The following MACROD1 variants were observed in gnomAD, a reference collection of about 807,000 sequenced individuals.
MACROD1 encodes the protein ADP-ribose glycohydrolase MACROD1.
In MACROD1, 31 loss-of-function variants were observed where a neutral mutation model predicts 41.4. That is an observed-to-expected ratio of 0.75 (90% confidence interval 0.56 to 1.01). The LOEUF (loss-of-function observed/expected upper bound fraction) is 1.01. MACROD1 is among the 50% of genes least tolerant of loss of function. MACROD1 has a pLI of 0.00. For synonymous variants in MACROD1, 252 were observed against 203.4 expected (o/e 1.24, Z -2.03); for missense variants, 473 against 460.0 (o/e 1.03, Z -0.26).
intron 3 of MACROD1, among the ~76,000 whole-genome samples, chr11:64,150,846 C>T (rs1945564270): frequency 6.6e-6 from 1 of 152,268 alleles, no homozygotes; most frequent in Admixed American, 6.5e-5. Context: ...CAAGCTCCCT[C>T]ACCCGCCCAG....
At chr11:64,136,957 G>T (rs1381644154) in intron 3 of MACROD1, among the ~76,000 whole-genome samples, 1 of 152,226 alleles carries the variant, frequency 6.6e-6, no homozygotes, top group African/African-American at 2.4e-5. Context: ...GGGCATCTCA[G>T]CATTTGCATG....
intron 3 of MACROD1, among the ~76,000 whole-genome samples, chr11:64,145,063 G>A (rs1052572819): frequency 1.3e-5 from 2 of 152,246 alleles, no homozygotes; most frequent in Non-Finnish European, 2.9e-5. Flanking sequence ...GGCGGCAGGA[G>A]AGGATGAGGC....
chr11:64,013,482 G>A (rs945546655), intron 4 of MACROD1, among the ~76,000 whole-genome samples: 7 of 152,262 alleles, frequency 4.6e-5, no homozygotes, highest in African/African-American at 1.7e-4. Context: ...TGTCCAGGGA[G>A]GCCAGGGTGG....
intron 3 of MACROD1, among the ~76,000 whole-genome samples, chr11:64,068,192 C>T (rs193071334): frequency 2.6e-5 from 4 of 152,324 alleles, no homozygotes; most frequent in East Asian, 1.9e-4. Flanking sequence ...GTGTTGGCAA[C>T]GGTTCTGCCT....
chr11:64,057,355 G>A (rs1943806295), intron 3 of MACROD1, among the ~76,000 whole-genome samples: 1 of 152,194 alleles, frequency 6.6e-6, no homozygotes, highest in Non-Finnish European at 1.5e-5. Context: ...GCTCTTGCTC[G>A]GTGAACAGTT....
chr11:63,999,687 G>A lies in MACROD1; in HGVS notation c.741C>T (p.Tyr247=), dbSNP rs1367645840. The A allele has an allele frequency of 6.2e-7, 1 of 1,609,436 alleles. No homozygotes were observed. The highest frequency in any genetic ancestry group is 1.7e-5 in the Admixed American group (1 of 59,884). ...ASQAAELRSC[Y]LSSLDLLLEH... The stretch of plus-strand genomic sequence containing the variant: ...CCAGCAGCAGGTCCAGACTGCTCAG[G>A]TAGCAGCTGCGGAGCTCGGCAGCCT... The change falls in exon 6 of 11, where the codon TAC becomes TAT. Residue 247 remains tyrosine (Y), a synonymous_variant. Transcript: ENST00000255681.
intron 3 of MACROD1, among the ~76,000 whole-genome samples, chr11:64,125,408 T>C (rs2134643696): frequency 6.6e-6 from 1 of 152,302 alleles, no homozygotes; most frequent in East Asian, 1.9e-4. Context: ...CCCAGCACAG[T>C]GCCTGGCACA....
intron 3 of MACROD1, among the ~76,000 whole-genome samples, chr11:64,105,171 C>T (rs1214525679): frequency 3.9e-5 from 6 of 152,224 alleles, no homozygotes; most frequent in Admixed American, 6.5e-5. Flanking sequence ...TATAAAAGTG[C>T]GCCAGCCCGA....
intron 3 of MACROD1, among the ~76,000 whole-genome samples, chr11:64,040,199 G>A (rs540801987): frequency 2.6e-5 from 4 of 152,200 alleles, no homozygotes; most frequent in East Asian, 3.9e-4. Context: ...CCTCTTCCCC[G>A]TGAAGCCTTG....
chr11:64,078,736 C>T (rs1446641323), intron 3 of MACROD1, among the ~76,000 whole-genome samples: 3 of 152,032 alleles, frequency 2.0e-5, no homozygotes, highest in Non-Finnish European at 4.4e-5. Flanking sequence ...GGAGGGCACC[C>T]CAAGCTGGGG....
chr11:64,058,989 C>T (rs1565213508), intron 3 of MACROD1, among the ~76,000 whole-genome samples: 1 of 152,180 alleles, frequency 6.6e-6, no homozygotes, highest in Non-Finnish European at 1.5e-5. Flanking sequence ...ACCTTCAAAA[C>T]AGGGGCTCAC....
chr11:64,092,793 C>A (rs1944512116), intron 3 of MACROD1, among the ~76,000 whole-genome samples: 1 of 152,258 alleles, frequency 6.6e-6, no homozygotes, highest in Admixed American at 6.5e-5. Flanking sequence ...ACACCCACAG[C>A]ATCTCCCCAA....
rs1036841687 is a variant in MACROD1, at chr11:64,122,214, C to T, written c.517+29025G>A. On this transcript the variant is annotated intron_variant, in intron 3 of 10. Coordinates refer to ENST00000255681, the MANE Select transcript of MACROD1 (RefSeq NM_014067.4). This position sits in a 1 kb window ranked among gnomAD's most constrained non-coding sequence, Gnocchi z 4.0. ...TCCCTTTTCTCCTTCCCCCTCCCCA[C>T]GGCCTCCCGCCACAGCCTCCATCTT... Among the ~76,000 whole-genome samples, 2 of 152,240 alleles carry T rather than the reference C, an allele frequency of 1.3e-5. No individual in the cohort carries two copies. The highest frequency in any genetic ancestry group is 4.8e-5 in the African/African-American group (2 of 41,458).
chr11:64,144,924 C>T (rs995584003), intron 3 of MACROD1, among the ~76,000 whole-genome samples: 5 of 152,252 alleles, frequency 3.3e-5, no homozygotes, highest in Non-Finnish European at 7.3e-5. Flanking sequence ...TCCATCAAGG[C>T]GGTCTCTAAA....
intron 3 of MACROD1, among the ~76,000 whole-genome samples, chr11:64,057,687 C>A (rs1357444625): frequency 2.6e-5 from 4 of 152,228 alleles, no homozygotes; most frequent in African/African-American, 9.6e-5. Context: ...TCTGCTCCCC[C>A]ACTCTATCTG....
At chr11:64,065,959 G>C (rs1943998123) in intron 3 of MACROD1, among the ~76,000 whole-genome samples, 1 of 152,026 alleles carries the variant, frequency 6.6e-6, no homozygotes, top group African/African-American at 2.4e-5. Flanking sequence ...GTGACCTTTG[G>C]ATGAGTCTTG....
At chr11:64,020,337 A>G (rs1384591769) in intron 3 of MACROD1, among the ~76,000 whole-genome samples, 1 of 152,056 alleles carries the variant, frequency 6.6e-6, no homozygotes, top group Non-Finnish European at 1.5e-5. Context: ...ATCCTCTCAC[A>G]ATGTACATTT....
intron 5 of MACROD1, 138 bp downstream of exon 5, chr11:64,000,089 C>G (rs545126616): frequency 1.5e-6 from 1 of 679,092 alleles, no homozygotes; most frequent in South Asian, 1.9e-5. Flanking sequence ...GGGTGGGGGC[C>G]GGGTCTTGGC....
chr11:64,132,679 G>A (rs1945282135), intron 3 of MACROD1, among the ~76,000 whole-genome samples: 1 of 152,196 alleles, frequency 6.6e-6, no homozygotes, highest in South Asian at 2.1e-4. Context: ...CAGGCTGTGT[G>A]CCCGGGTCTC....
Sources: allele counts gnomAD v4.1 joint callset (sites outside exome capture counted in the v4.1 genomes callset), GRCh38; gene constraint gnomAD v4.1.1; non-coding constraint Gnocchi (gnomAD v3.1); transcripts MANE v1.5; gene names NCBI Gene and HGNC (gene_info 2026-07-23, HGNC 2026-07-21).